Variants in ACACA observed in about 807,000 individuals in gnomAD.
The protein encoded by ACACA is acetyl-CoA carboxylase 1.
In ACACA, 103 loss-of-function variants were observed where a neutral mutation model predicts 296.1. The ratio of observed to expected loss-of-function variants is 0.35; its 90% CI spans 0.30 to 0.41. The LOEUF is 0.41. Among genes scored for constraint, ACACA ranks in the 10% least tolerant of loss-of-function variants. The probability of loss-of-function intolerance (pLI) is 1.00; values close to 1 mark genes in which losing one functional copy is unlikely to be tolerated. For missense variants in ACACA, 1,554 were observed against 2,989.7 expected (o/e 0.52, Z 11.20); for synonymous variants, 953 against 1,038.6 (o/e 0.92, Z 1.58).
At chr17:37,124,245 C>T (rs111510093) in intron 48 of ACACA, among the ~76,000 whole-genome samples, 1,568 of 152,254 alleles carry the variant, frequency 0.01, 22 homozygotes, top group African/African-American at 0.036. Flanking sequence ...GCCCAGAACT[C>T]GTCAGATAGA....
intron 11 of ACACA, among the ~76,000 whole-genome samples, chr17:37,261,154 G>C (rs2081497629): frequency 1.3e-5 from 2 of 152,076 alleles, no homozygotes. Context: ...CCTTAAAAAA[G>C]ATGGTCTGAA....
chr17:37,344,427 G>A (rs1437170936), intron 1 of ACACA, among the ~76,000 whole-genome samples: 2 of 151,474 alleles, frequency 1.3e-5, no homozygotes, highest in African/African-American at 4.9e-5. Context: ...GCGTGGTGGT[G>A]TGCACCTATA....
chr17:37,327,677 C>G (rs2047683023), intron 3 of ACACA, among the ~76,000 whole-genome samples: 1 of 152,206 alleles, frequency 6.6e-6, no homozygotes, highest in Non-Finnish European at 1.5e-5. Context: ...CCTAATCCAG[C>G]AAATGGATAT....
chr17:37,204,839 G>T (rs2078424327), intron 33 of ACACA, among the ~76,000 whole-genome samples: 1 of 152,166 alleles, frequency 6.6e-6, no homozygotes, highest in Admixed American at 6.5e-5. Context: ...AAGTTAAGGA[G>T]GTATTCTGAA....
chr17:37,291,465 C>T lies in ACACA; in HGVS notation c.339-6495G>A, dbSNP rs117441953. Among the ~76,000 whole-genome samples the T allele has an allele frequency of 1.3e-3, 201 of 152,158 alleles. 3 individuals are homozygous for T. In the East Asian group the frequency reaches 0.033, roughly 25 times the overall value. ...TGCTGGAATTACAGGTGTGAGCCACCGCACCTGGTCAAAAATCTCATAATA... is the reference window on the plus strand; with the variant it reads ...TGCTGGAATTACAGGTGTGAGCCACTGCACCTGGTCAAAAATCTCATAATA... On this transcript the variant is annotated intron_variant, in intron 3 of 55. Transcript: ENST00000616317.
intron 30 of ACACA, among the ~76,000 whole-genome samples, chr17:37,209,715 C>T (rs2078664643): frequency 6.6e-6 from 1 of 152,216 alleles, no homozygotes; most frequent in African/African-American, 2.4e-5. Context: ...AGCTGATTAT[C>T]TGCAAAGACC....
chr17:37,315,382 G>GT (rs1460282628), intron 3 of ACACA, among the ~76,000 whole-genome samples: 2 of 152,114 alleles, frequency 1.3e-5, no homozygotes, highest in Non-Finnish European at 2.9e-5. Context: ...GAATGTACAG[G>GT]TTTTTTTCCA....
chr17:37,291,580 G>T (rs931295726), intron 3 of ACACA, among the ~76,000 whole-genome samples: 1 of 152,140 alleles, frequency 6.6e-6, no homozygotes, highest in Non-Finnish European at 1.5e-5. Context: ...TGCAGTCCAT[G>T]GGCAGTGATT....
intron 9 of ACACA, among the ~76,000 whole-genome samples, chr17:37,273,275 T>C (rs1040482359): frequency 2.0e-5 from 3 of 152,244 alleles, no homozygotes; most frequent in Admixed American, 2.0e-4. Flanking sequence ...TATCTTTCAT[T>C]ATACCTGGAA....
chr17:37,220,518 C>T (rs1453902663), intron 29 of ACACA, among the ~76,000 whole-genome samples: 2 of 152,158 alleles, frequency 1.3e-5, no homozygotes, highest in Non-Finnish European at 2.9e-5. Context: ...ATGAGTACTT[C>T]GCCGCTCACT....
intron 1 of ACACA, chr17:37,391,683 A>G (rs761326844): frequency 6.0e-5 from 97 of 1,613,828 alleles, no homozygotes; most frequent in Middle Eastern, 1.6e-4. Context: ...AAACCCAAAG[A>G]AAGCTGCAGA....
intron 10 of ACACA, among the ~76,000 whole-genome samples, chr17:37,269,538 T>G (rs139984636): frequency 6.6e-6 from 1 of 152,176 alleles, no homozygotes; most frequent in South Asian, 2.1e-4. Context: ...TACTGAATGT[T>G]GTACTGAAAG....
chr17:37,096,019 C>T (rs1178219216), intron 54 of ACACA, among the ~76,000 whole-genome samples: 1 of 152,156 alleles, frequency 6.6e-6, no homozygotes, highest in East Asian at 1.9e-4. Context: ...CAAGAAAATG[C>T]CAGCTTCATA....
intron 42 of ACACA, among the ~76,000 whole-genome samples, chr17:37,160,345 A>G (rs2076411842): frequency 6.6e-6 from 1 of 152,240 alleles, no homozygotes; most frequent in Non-Finnish European, 1.5e-5. Flanking sequence ...ATTCATTCAA[A>G]GTGTGGAAGA....
In ACACA at chr17:37,406,706, GC is replaced by G; in HGVS notation, c.-408del. 1 of 287,738 alleles carries G rather than the reference GC, an allele frequency of 3.5e-6. No homozygotes were observed. The highest frequency in any genetic ancestry group is 6.7e-6 in the Non-Finnish European group (1 of 149,044). 17.8% of individuals were successfully genotyped at this position (287,738 alleles called of 1,614,324 possible). On this transcript the variant is annotated 5_prime_UTR_variant, in exon 1 of 56. It introduces an in-frame stop codon into an upstream open reading frame of the 5' UTR. Transcript: ENST00000616317. ...GATCAAAAGTCAGGCAAGCGGCTCA[GC>G]CCCATCCTCCCAGTCCTCGGGCACG...
Position 37,188,258 on chromosome 17 carries a change from G to T in ACACA, c.4776+19C>A, listed in dbSNP as rs1455830572. 1.2e-6 allele frequency: 2 copies of T among 1,610,742 alleles called. No homozygotes were observed. The highest frequency in any genetic ancestry group is 1.7e-6 in the Non-Finnish European group (2 of 1,177,498). On this transcript the variant is annotated intron_variant, in intron 39 of 55. Coordinates refer to ENST00000616317, the MANE Select transcript of ACACA (RefSeq NM_198834.3). ...TAGGACCAAATCAAAACTCTGAGGA[G>T]CCTGTTTGAGTATTGTACCTGTGCT... is the stretch of plus-strand genomic sequence containing the variant.
chr17:37,161,453 G>GT, intron 42 of ACACA: 2 of 324,890 alleles, frequency 6.2e-6, no homozygotes, highest in Middle Eastern at 9.8e-4. Context: ...ATAATTGACC[G>GT]TAAGTCCTGG....
rs200646352 is a variant in ACACA at position 37,277,834 on chromosome 17, C to CTA, written c.720+61_720+62insTA. 1.6e-3 allele frequency: 2,063 copies of CTA among 1,260,344 alleles called. 22 individuals are homozygous for CTA. The African/African-American group carries it at 0.026, about 16-fold the overall frequency. The allele number at this position is 1,260,344 out of a possible 1,614,324, so 78.1% of individuals were successfully genotyped here. On this transcript the variant is annotated intron_variant, in intron 6 of 55. Coordinates refer to ENST00000616317, the MANE Select transcript of ACACA (RefSeq NM_198834.3). Reference sequence around the variant, plus strand: ...ACAAAAATGTTCTTCTCTAGATATCCCCTTGTGCCTAACTATAAAATGGCT... The same window carrying CTA: ...ACAAAAATGTTCTTCTCTAGATATCCTACCTTGTGCCTAACTATAAAATGGCT...
chr17:37,330,739 A>G (rs1445386104), intron 2 of ACACA, among the ~76,000 whole-genome samples: 2 of 152,142 alleles, frequency 1.3e-5, no homozygotes, highest in African/African-American at 4.8e-5. Context: ...CAATGGGGAA[A>G]CCTTTGCAGT....
Sources: allele counts gnomAD v4.1 joint callset (sites outside exome capture counted in the v4.1 genomes callset), GRCh38; gene constraint gnomAD v4.1.1; transcripts MANE v1.5; gene names NCBI Gene and HGNC (gene_info 2026-07-23, HGNC 2026-07-21).